The following NPSR1 variants were observed in gnomAD, a reference collection of about 807,000 sequenced individuals.
The protein encoded by NPSR1 is neuropeptide S receptor 1.
In NPSR1, 48 loss-of-function variants were observed where a neutral mutation model predicts 46.9. That is an observed-to-expected ratio of 1.02 (90% confidence interval 0.81 to 1.30). NPSR1 has a LOEUF of 1.30. NPSR1 is among the 50% of genes most tolerant of loss of function. The pLI, the probability that NPSR1 is intolerant of heterozygous loss-of-function variation, is 0.00. For missense variants in NPSR1, 450 were observed against 449.5 expected (o/e 1.00, Z -0.01); for synonymous variants, 176 against 168.1 (o/e 1.05, Z -0.36).
intron 2 of NPSR1, chr7:34,750,508 G>A: frequency 1.4e-6 from 1 of 710,562 alleles, no homozygotes; most frequent in Non-Finnish European, 2.6e-6. Context: ...ATGGTTTCTT[G>A]GCTGTTGGGG....
At chr7:34,695,974 A>T (rs1793498116) in intron 2 of NPSR1, among the ~76,000 whole-genome samples, 3 of 151,928 alleles carry the variant, frequency 2.0e-5, no homozygotes, top group Admixed American at 6.6e-5. Context: ...AGGAAATGAA[A>T]TCACTATATA....
chr7:34,824,013 A>G (rs908532775), intron 4 of NPSR1, among the ~76,000 whole-genome samples: 2 of 152,224 alleles, frequency 1.3e-5, no homozygotes, highest in Non-Finnish European at 2.9e-5. Flanking sequence ...TGCCACTTGT[A>G]CAAGTTCATA....
chr7:34,839,746 T>A (rs1269155881), intron 6 of NPSR1, among the ~76,000 whole-genome samples: 1 of 152,116 alleles, frequency 6.6e-6, no homozygotes, highest in East Asian at 1.9e-4. Flanking sequence ...TCTGCCACGC[T>A]TAACAGAGGG....
intron 3 of NPSR1, among the ~76,000 whole-genome samples, chr7:34,787,076 G>A (rs1015519740): frequency 6.6e-5 from 10 of 152,066 alleles, no homozygotes; most frequent in South Asian, 2.1e-4. Flanking sequence ...CTATAGAAGC[G>A]CTAGATGGCA....
intron 4 of NPSR1, among the ~76,000 whole-genome samples, chr7:34,827,047 C>T (rs963348398): frequency 1.3e-5 from 2 of 152,200 alleles, no homozygotes; most frequent in African/African-American, 4.8e-5. Flanking sequence ...GTAGACACAA[C>T]TCAGCATTTG....
chr7:34,844,904 CTG>C lies in NPSR1; in HGVS notation c.769_770del (p.Cys257GlnfsTer4). The C allele has an allele frequency of 6.2e-7, 1 of 1,605,150 alleles. No individual in the cohort carries two copies. The highest frequency in any genetic ancestry group is 8.5e-7 in the Non-Finnish European group (1 of 1,171,890). On this transcript the variant is annotated frameshift_variant, in exon 7 of 9. Coordinates refer to ENST00000360581, the MANE Select transcript of NPSR1 (RefSeq NM_207172.2). LOFTEE classifies it high-confidence loss of function. ...TVISNCSDGK[L>X]CSSYNRGLIS... ...CCCTCTTGTATCTACAGATGGGAAA[CTG>C]TGCAGCAGCTATAACCGAGGACTCA...
intron 4 of NPSR1, among the ~76,000 whole-genome samples, chr7:34,814,334 A>C (rs958106367): frequency 6.6e-6 from 1 of 152,242 alleles, no homozygotes; most frequent in Non-Finnish European, 1.5e-5. Flanking sequence ...CAGCCTGGCT[A>C]GGGGAGGAGC....
chr7:34,811,398 T>C (rs1016002717), intron 3 of NPSR1, among the ~76,000 whole-genome samples: 2 of 152,122 alleles, frequency 1.3e-5, no homozygotes, highest in African/African-American at 2.4e-5. Flanking sequence ...TTCTCTGCCA[T>C]GCTGTTCTGC....
intron 4 of NPSR1, 28 bp downstream of exon 4, chr7:34,811,891 C>T (rs745898629): frequency 4.8e-6 from 7 of 1,459,970 alleles, no homozygotes; most frequent in Non-Finnish European, 6.7e-6. Context: ...GGTGCTCTTT[C>T]ATAAAGAACT....
intron 8 of NPSR1, among the ~76,000 whole-genome samples, chr7:34,860,597 A>G (rs1325751388): frequency 1.3e-5 from 2 of 151,814 alleles, no homozygotes; most frequent in Non-Finnish European, 2.9e-5. Flanking sequence ...ATCTGTTGCA[A>G]TATGCTGTTT....
At position 34,681,203 on chromosome 7, in the gene NPSR1, C is replaced by G. The variant is rs142664067; in HGVS notation, c.148-3349C>G. On this transcript the variant is annotated intron_variant, in intron 1 of 8. Coordinates refer to ENST00000360581, the MANE Select transcript of NPSR1 (RefSeq NM_207172.2). ...GTCCCAACCTGAGGGAGAGCTGGGT[C>G]TCAATCTTCCCTTTACTAGGATGGG... Among the ~76,000 whole-genome samples the G allele has an allele frequency of 1.1e-3, 172 of 152,244 alleles. 2 individuals carry two copies. The Middle Eastern group carries it at 0.014, about 12-fold the overall frequency.
intron 3 of NPSR1, among the ~76,000 whole-genome samples, chr7:34,790,745 T>A (rs868062401): frequency 0.032 from 3,101 of 96,300 alleles, 129 homozygotes; most frequent in Non-Finnish European, 0.048. Context: ...ATGTTATATA[T>A]AATATATGTT....
At chr7:34,682,273 G>A (rs1057340599) in intron 1 of NPSR1, among the ~76,000 whole-genome samples, 5 of 152,194 alleles carry the variant, frequency 3.3e-5, no homozygotes, top group Non-Finnish European at 5.9e-5. Context: ...TCACACCAAA[G>A]CTCATTCCAG....
At chr7:34,677,136 G>A (rs1792358831) in intron 1 of NPSR1, among the ~76,000 whole-genome samples, 2 of 152,174 alleles carry the variant, frequency 1.3e-5, no homozygotes, top group Admixed American at 1.3e-4. Flanking sequence ...TTCCAACAAT[G>A]CAGATCTGAG....
chr7:34,690,459 C>T (rs1025274617), intron 2 of NPSR1, among the ~76,000 whole-genome samples: 1 of 151,918 alleles, frequency 6.6e-6, no homozygotes, highest in African/African-American at 2.4e-5. Context: ...TTTTAAAAAG[C>T]TCAATGAGAT....
At chr7:34,808,989 C>T (rs1055454199) in intron 3 of NPSR1, among the ~76,000 whole-genome samples, 12 of 152,150 alleles carry the variant, frequency 7.9e-5, no homozygotes, top group Admixed American at 3.3e-4. Flanking sequence ...TCTGGACACT[C>T]TTATTTATGG....
chr7:34,870,525 T>C (rs1464556998), intron 8 of NPSR1, among the ~76,000 whole-genome samples: 2 of 151,880 alleles, frequency 1.3e-5, no homozygotes, highest in Admixed American at 6.5e-5. Context: ...TGAGCTAAAA[T>C]TATTCCATAC....
chr7:34,836,150 C>T (rs1458535480), intron 6 of NPSR1, among the ~76,000 whole-genome samples: 1 of 152,162 alleles, frequency 6.6e-6, no homozygotes, highest in African/African-American at 2.4e-5. Flanking sequence ...TTCCCTTCCA[C>T]TGGTGCAGTC....
chr7:34,687,223 AACAG>A (rs1415552772), intron 2 of NPSR1, among the ~76,000 whole-genome samples: 1 of 151,942 alleles, frequency 6.6e-6, no homozygotes, highest in African/African-American at 2.4e-5. Flanking sequence ...TACAATGATA[AACAG>A]ACAAAGAAAA....
Sources: allele counts gnomAD v4.1 joint callset (sites outside exome capture counted in the v4.1 genomes callset), GRCh38; gene constraint gnomAD v4.1.1; transcripts MANE v1.5; gene names NCBI Gene and HGNC (gene_info 2026-07-23, HGNC 2026-07-21).